The following TMPRSS2 variants were observed in gnomAD, a reference collection of about 807,000 sequenced individuals.
TMPRSS2 encodes transmembrane serine protease 2.
TMPRSS2 carries 59 observed loss-of-function variants against 67.4 expected under a neutral mutation model. The observed-to-expected ratio is 0.88, with a 90% CI of 0.71 to 1.09. The LOEUF is 1.09. TMPRSS2 is among the 50% of genes least tolerant of loss of function. TMPRSS2 has a pLI of 0.00. For synonymous variants in TMPRSS2, 257 were observed against 257.0 expected (o/e 1.00, Z 0.00); for missense variants, 668 against 642.7 (o/e 1.04, Z -0.43).
intron 9 of TMPRSS2, among the ~76,000 whole-genome samples, chr21:41,472,991 G>A (rs1258368081): frequency 2.0e-5 from 3 of 152,140 alleles, no homozygotes; most frequent in Non-Finnish European, 2.9e-5. Flanking sequence ...CTAGCGTCCC[G>A]GAGACAGGAT....
At chr21:41,490,214 A>T (rs1331933745) in intron 3 of TMPRSS2, among the ~76,000 whole-genome samples, 1 of 152,150 alleles carries the variant, frequency 6.6e-6, no homozygotes, top group African/African-American at 2.4e-5. Flanking sequence ...ATGTAAAAAA[A>T]AAAAAAGAAC....
intron 3 of TMPRSS2, among the ~76,000 whole-genome samples, chr21:41,492,220 A>AC (rs1250891453): frequency 6.6e-6 from 1 of 151,672 alleles, no homozygotes; most frequent in Non-Finnish European, 1.5e-5. Flanking sequence ...ACAAACAACA[A>AC]AAAAAACCCA....
intron 6 of TMPRSS2, among the ~76,000 whole-genome samples, chr21:41,479,509 T>C (rs938457953): frequency 6.6e-6 from 1 of 152,188 alleles, no homozygotes; most frequent in Non-Finnish European, 1.5e-5. Flanking sequence ...GTGTTTCTTA[T>C]CCAGGTTAGG....
At chr21:41,484,632 T>C (rs559125514) in intron 5 of TMPRSS2, among the ~76,000 whole-genome samples, 2 of 152,316 alleles carry the variant, frequency 1.3e-5, no homozygotes, top group South Asian at 2.1e-4. Context: ...ATAATCAATA[T>C]GGAAACTGGA....
At chr21:41,498,251 C>G in intron 1 of TMPRSS2, 62 bp from the exon 2 acceptor site, 1 of 1,124,706 alleles carries the variant, frequency 8.9e-7, no homozygotes, top group South Asian at 1.4e-5. Flanking sequence ...GAAGATAAAT[C>G]TGGAAAGAAC....
chr21:41,489,448 G>A, intron 4 of TMPRSS2, 59 bp downstream of exon 4: 2 of 1,460,442 alleles, frequency 1.4e-6, no homozygotes, highest in South Asian at 1.2e-5. Context: ...AGCAGGGTCT[G>A]GCTCAGAGCA....
intron 5 of TMPRSS2, among the ~76,000 whole-genome samples, chr21:41,485,390 G>C (rs1212518714): frequency 6.6e-6 from 1 of 152,122 alleles, no homozygotes; most frequent in Admixed American, 6.5e-5. Flanking sequence ...GTTCACGCCT[G>C]TAATCCCAGC....
chr21:41,468,141 C>T (rs1188776669), intron 12 of TMPRSS2: 2 of 617,554 alleles, frequency 3.2e-6, no homozygotes, highest in Admixed American at 3.0e-5. Flanking sequence ...TTAAAATAGT[C>T]TAAATACTTG....
intron 13 of TMPRSS2, among the ~76,000 whole-genome samples, chr21:41,467,118 G>A (rs1012995146): frequency 3.9e-5 from 6 of 152,194 alleles, no homozygotes; most frequent in African/African-American, 1.4e-4. Context: ...GCCGGGCACC[G>A]TGGTTCACAC....
intron 4 of TMPRSS2, 132 bp from the exon 5 acceptor site, chr21:41,488,645 G>A: frequency 8.9e-7 from 1 of 1,123,092 alleles, no homozygotes; most frequent in Admixed American, 2.4e-5. Context: ...GTTTTGTTTT[G>A]TTTTGTTTTT....
chr21:41,498,303 G>T, intron 1 of TMPRSS2, 114 bp from the exon 2 acceptor site: 1 of 677,356 alleles, frequency 1.5e-6, no homozygotes. Flanking sequence ...ACAAAGACCA[G>T]TGTTGCCTGC....
intron 2 of TMPRSS2, among the ~76,000 whole-genome samples, chr21:41,496,335 C>T (rs188241223): frequency 8.5e-5 from 13 of 152,310 alleles, no homozygotes; most frequent in East Asian, 7.7e-4. Flanking sequence ...AGGAATGTAT[C>T]GTCATTCACT....
Position 41,479,152 on chromosome 21 carries a change from A to G in TMPRSS2, c.683+20T>C. ...AGTTGATTTCATTCCAAAATTTTTC[A>G]AGAAGAAATTGCTGCATACCTGTGG... On this transcript the variant is annotated intron_variant, in intron 7 of 13. Transcript: ENST00000332149. The G allele has an allele frequency of 6.3e-7, 1 of 1,594,702 alleles. No homozygotes were observed. Among genetic ancestry groups the G allele is most frequent in the South Asian group, 1.1e-5 (1 of 90,262 alleles).
At chr21:41,482,151 A>G (rs1336133114) in intron 5 of TMPRSS2, among the ~76,000 whole-genome samples, 1 of 151,824 alleles carries the variant, frequency 6.6e-6, no homozygotes, top group Admixed American at 6.6e-5. Flanking sequence ...TGTCCAGGAG[A>G]CTCTAAATCA....
rs965107392 is a variant in TMPRSS2, at chr21:41,465,574, C to T, written c.*568G>A. The T allele has an allele frequency of 1.3e-5, 3 of 234,166 alleles. No homozygotes were observed. Among genetic ancestry groups the T allele is most frequent in the Admixed American group, 1.1e-4 (2 of 17,860 alleles). The allele number at this position is 234,166 out of a possible 1,614,324, so 14.5% of individuals were successfully genotyped here. On this transcript the variant is annotated 3_prime_UTR_variant, in exon 14 of 14. Transcript: ENST00000332149. ...TAAGAACAAAAATGTTTCTGTTCCC[C>T]TTACAAGTGACTACCACGTCACCAC...
chr21:41,466,243 CT>C (rs2146416895), intron 13 of TMPRSS2, 90 bp from the exon 14 acceptor site: 2 of 1,329,358 alleles, frequency 1.5e-6, no homozygotes, highest in Non-Finnish European at 2.1e-6. Flanking sequence ...GCATGAAGCA[CT>C]TAGAAACCAA....
intron 8 of TMPRSS2, 29 bp from the exon 9 acceptor site, chr21:41,473,525 G>A: frequency 6.3e-7 from 1 of 1,587,188 alleles, no homozygotes; most frequent in Non-Finnish European, 8.6e-7. Context: ...AGGCCAGTGG[G>A]GTGAGACCAG....
At chr21:41,508,020 G>C in intron 1 of TMPRSS2, 61 bp downstream of exon 1, 2 of 1,348,976 alleles carry the variant, frequency 1.5e-6, no homozygotes, top group Non-Finnish European at 1.9e-6. Flanking sequence ...GGTCCCAGGC[G>C]CCCAGGTTCC....
chr21:41,485,280 G>A (rs1002084439), intron 5 of TMPRSS2, among the ~76,000 whole-genome samples: 37 of 152,164 alleles, frequency 2.4e-4, no homozygotes, highest in Admixed American at 2.2e-3. Context: ...ATATTAAGAA[G>A]AGAGCAACTC....
Sources: allele counts gnomAD v4.1 joint callset (sites outside exome capture counted in the v4.1 genomes callset), GRCh38; gene constraint gnomAD v4.1.1; transcripts MANE v1.5; gene names NCBI Gene and HGNC (gene_info 2026-07-23, HGNC 2026-07-21).